Variants in RGS6 observed in about 807,000 individuals in gnomAD.
RGS6 encodes the protein regulator of G protein signaling 6.
In RGS6, 30 loss-of-function variants were observed where a neutral mutation model predicts 78.5. The ratio of observed to expected loss-of-function variants is 0.38; its 90% CI spans 0.29 to 0.52. The LOEUF (loss-of-function observed/expected upper bound fraction) is 0.52. RGS6 is among the 20% of genes least tolerant of loss of function. The probability of loss-of-function intolerance (pLI) is 0.85; values close to 1 mark genes in which losing one functional copy is unlikely to be tolerated. For missense variants in RGS6, 495 were observed against 609.7 expected (o/e 0.81, Z 1.98); for synonymous variants, 206 against 206.0 (o/e 1.00, Z 0.00).
intron 3 of RGS6, among the ~76,000 whole-genome samples, chr14:72,372,982 G>A (rs949195528): frequency 1.3e-5 from 2 of 152,172 alleles, no homozygotes. Context: ...GATGCTTAAG[G>A]AGAAATATAT....
chr14:71,965,333 G>C (rs2093445228), intron 2 of RGS6, among the ~76,000 whole-genome samples: 1 of 152,256 alleles, frequency 6.6e-6, no homozygotes. Flanking sequence ...TTCCAAAATA[G>C]ATGTGCAAGT....
Position 71,935,941 on chromosome 14 carries a change from A to ACT in RGS6, c.-21+3001_-21+3002dup, listed in dbSNP as rs199519136. On this transcript the variant is annotated intron_variant, in intron 1 of 17. Coordinates refer to ENST00000553525, the MANE Select transcript of RGS6 (RefSeq NM_001204424.2). ...TCTAACAAGTCCCTGGATGATGCTGACTGCTGGTTTGGTGACAGTGAAAAC... is the reference window on the plus strand; with the variant it reads ...TCTAACAAGTCCCTGGATGATGCTGACTCTGCTGGTTTGGTGACAGTGAAAAC... Among the ~76,000 whole-genome samples the ACT allele has an allele frequency of 8.8e-3, 1,291 of 145,952 alleles. 13 individuals are homozygous for ACT. Among genetic ancestry groups the ACT allele is most frequent in the African/African-American group, 0.031 (1,233 of 39,556 alleles).
At chr14:72,084,926 A>C (rs773950783) in intron 2 of RGS6, among the ~76,000 whole-genome samples, 1 of 152,178 alleles carries the variant, frequency 6.6e-6, no homozygotes, top group African/African-American at 2.4e-5. Context: ...TGTGAGGACA[A>C]TGTGTTTGTG....
chr14:72,288,771 A>G (rs890308273), intron 2 of RGS6, among the ~76,000 whole-genome samples: 2 of 152,204 alleles, frequency 1.3e-5, no homozygotes, highest in South Asian at 4.1e-4. Flanking sequence ...TGTCCTCCAG[A>G]GAGCTGTCCC....
intron 12 of RGS6, among the ~76,000 whole-genome samples, chr14:72,485,779 G>T (rs2153384355): frequency 6.6e-6 from 1 of 152,322 alleles, no homozygotes; most frequent in East Asian, 1.9e-4. Flanking sequence ...CTCAGGAAAA[G>T]CTGGAGCCAG....
At chr14:72,247,536 G>C (rs1178266415) in intron 2 of RGS6, among the ~76,000 whole-genome samples, 10 of 152,200 alleles carry the variant, frequency 6.6e-5, no homozygotes, top group Admixed American at 6.5e-4. Flanking sequence ...GGAGAGATAG[G>C]TGAAATCAAC....
At chr14:72,374,717 C>G (rs186306489) in intron 3 of RGS6, among the ~76,000 whole-genome samples, 269 of 152,284 alleles carry the variant, frequency 1.8e-3, no homozygotes, top group Middle Eastern at 0.01. Flanking sequence ...GAATCCAACA[C>G]ATAAAGATTG....
intron 3 of RGS6, among the ~76,000 whole-genome samples, chr14:72,422,465 C>A (rs2094236467): frequency 6.6e-6 from 1 of 152,104 alleles, no homozygotes; most frequent in Non-Finnish European, 1.5e-5. Context: ...GAAAACAAAT[C>A]TAGAGAAATA....
intron 9 of RGS6, among the ~76,000 whole-genome samples, chr14:72,473,254 T>C (rs1032219453): frequency 2.1e-4 from 32 of 152,292 alleles, no homozygotes; most frequent in Middle Eastern, 6.8e-3. Flanking sequence ...CCATCCTGGC[T>C]AACACGGTGA....
chr14:72,286,247 C>G (rs1024393215), intron 2 of RGS6, among the ~76,000 whole-genome samples: 4 of 152,142 alleles, frequency 2.6e-5, no homozygotes, highest in Non-Finnish European at 5.9e-5. Context: ...TTTTTTGCAG[C>G]ATAATTTATC....
chr14:72,617,189 G>C, the RGS6 span, among the ~76,000 whole-genome samples: 1 of 152,228 alleles, frequency 6.6e-6, no homozygotes, highest in Non-Finnish European at 1.5e-5. Flanking sequence ...CACATACTCT[G>C]AAGAGGACGT....
Position 72,162,199 on chromosome 14 carries a change from A to T in RGS6, c.85-189896A>T, listed in dbSNP as rs183243814. On this transcript the variant is annotated intron_variant, in intron 2 of 17. Coordinates refer to ENST00000553525, the MANE Select transcript of RGS6 (RefSeq NM_001204424.2). Reference sequence around the variant, plus strand: ...TTAGTACAGCAGAAAAAAAAAAACTATATGAGGAAAAAAAGAAATGATTGC... The same window carrying T: ...TTAGTACAGCAGAAAAAAAAAAACTTTATGAGGAAAAAAAGAAATGATTGC... Among the ~76,000 whole-genome samples, 16 of 151,684 alleles carry T rather than the reference A, an allele frequency of 1.1e-4. No individual in the cohort carries two copies. In the East Asian group the frequency reaches 2.5e-3, roughly 24 times the overall value.
intron 1 of RGS6, among the ~76,000 whole-genome samples, chr14:71,935,469 G>A (rs1346041116): frequency 1.3e-5 from 2 of 152,092 alleles, no homozygotes; most frequent in Admixed American, 1.3e-4. Context: ...TGTGTTAAAG[G>A]CTTGGGAATT....
intron 17 of RGS6, among the ~76,000 whole-genome samples, chr14:72,547,528 G>A (rs965448276): frequency 2.0e-5 from 3 of 152,198 alleles, no homozygotes; most frequent in African/African-American, 7.2e-5. Context: ...CCTGTCCATA[G>A]GTAGGAATAG....
intron 2 of RGS6, among the ~76,000 whole-genome samples, chr14:72,326,922 T>G (rs776887169): frequency 1.8e-4 from 28 of 152,158 alleles, no homozygotes; most frequent in Non-Finnish European, 3.5e-4. Flanking sequence ...TTAGCCAGGA[T>G]GGTCTCAATC....
intron 2 of RGS6, among the ~76,000 whole-genome samples, chr14:72,051,953 T>C (rs576312020): frequency 1.3e-5 from 2 of 152,144 alleles, no homozygotes; most frequent in Non-Finnish European, 2.9e-5. Context: ...ATCTAAGAAA[T>C]TCTAGGTGGA....
chr14:71,988,631 A>G (rs2094824341), intron 2 of RGS6, among the ~76,000 whole-genome samples: 1 of 152,078 alleles, frequency 6.6e-6, no homozygotes, highest in East Asian at 1.9e-4. Context: ...GGTGAAGCCT[A>G]AAATATTTAC....
intron 2 of RGS6, among the ~76,000 whole-genome samples, chr14:72,226,416 A>G (rs2048137603): frequency 6.6e-6 from 1 of 152,234 alleles, no homozygotes; most frequent in East Asian, 1.9e-4. Flanking sequence ...TAACTAGCTA[A>G]ACTGTGGCAC....
At chr14:72,012,916 T>C (rs2086084422) in intron 2 of RGS6, among the ~76,000 whole-genome samples, 1 of 152,106 alleles carries the variant, frequency 6.6e-6, no homozygotes, top group Non-Finnish European at 1.5e-5. Context: ...ATTTTAGCAA[T>C]TGTTTATAAG....
Sources: allele counts gnomAD v4.1 joint callset (sites outside exome capture counted in the v4.1 genomes callset), GRCh38; gene constraint gnomAD v4.1.1; transcripts MANE v1.5; gene names NCBI Gene and HGNC (gene_info 2026-07-23, HGNC 2026-07-21).